Variants in OSBPL9 observed in about 807,000 individuals in gnomAD.
The protein encoded by OSBPL9 is oxysterol-binding protein-related protein 9.
A neutral mutation model predicts 106.6 loss-of-function variants in OSBPL9; 40 were observed. That is an observed-to-expected ratio of 0.38 (90% CI 0.29 to 0.49). OSBPL9 has a LOEUF of 0.49. Among genes scored for constraint, OSBPL9 ranks in the 20% least tolerant of loss-of-function variants. The pLI is 0.97. For missense variants in OSBPL9, 609 were observed against 887.2 expected, an observed-to-expected ratio of 0.69 and a Z score of 3.98; for synonymous variants, 269 against 295.4, an observed-to-expected ratio of 0.91 and a Z score of 0.92.
chr1:51,552,919 G>C, the OSBPL9 span, among the ~76,000 whole-genome samples: 1 of 151,540 alleles, frequency 6.6e-6, no homozygotes, highest in East Asian at 1.9e-4. Flanking sequence ...CACCATACCT[G>C]GTCTTTCCAT....
intron 1 of OSBPL9, among the ~76,000 whole-genome samples, chr1:51,586,209 T>A (rs1420182542): frequency 6.6e-6 from 1 of 151,864 alleles, no homozygotes; most frequent in Non-Finnish European, 1.5e-5. Flanking sequence ...AATAATAAAT[T>A]AAAAGGGTAA....
At chr1:51,713,407 C>T (rs913588145) in intron 3 of OSBPL9, among the ~76,000 whole-genome samples, 4 of 152,128 alleles carry the variant, frequency 2.6e-5, no homozygotes, top group Non-Finnish European at 4.4e-5. Context: ...GCCTCAGCCT[C>T]CCAAAATGCC....
chr1:51,740,084 G>A (rs1234695440), intron 4 of OSBPL9: 22 of 1,540,648 alleles, frequency 1.4e-5, no homozygotes, highest in Non-Finnish European at 1.9e-5. Flanking sequence ...CTTGATTATT[G>A]ATGTTAGACT....
upstream of OSBPL9, chr1:51,616,999 GC>G: frequency 6.6e-7 from 1 of 1,505,456 alleles, no homozygotes; most frequent in African/African-American, 1.4e-5. Flanking sequence ...TGCCGGCACC[GC>G]CCAGGACCCG....
In OSBPL9 at chr1:51,719,388, A is replaced by G. The variant is rs1354288831; in HGVS notation, c.318+5309A>G. Among the ~76,000 whole-genome samples, 6 of 152,034 alleles carry G rather than the reference A, an allele frequency of 3.9e-5. No homozygotes were observed. In the East Asian group the frequency reaches 1.2e-3, roughly 29 times the overall value. ...TTAATCCTCTCTTTCTTAACCAGTA[A>G]GAGGCATTCAGTAGATATCTGATGA... On this transcript the variant is annotated intron_variant, in intron 4 of 23. Transcript: ENST00000428468.
chr1:51,549,290 A>G, the OSBPL9 span, among the ~76,000 whole-genome samples: 21 of 152,212 alleles, frequency 1.4e-4, no homozygotes, highest in East Asian at 3.9e-3. Flanking sequence ...CCTTCCCCCA[A>G]AGATGCACAC....
chr1:51,529,780 C>T, the OSBPL9 span, among the ~76,000 whole-genome samples: 2 of 150,902 alleles, frequency 1.3e-5, no homozygotes, highest in East Asian at 1.9e-4. Context: ...TGAACCCCTA[C>T]GTCATACCAG....
chr1:51,612,930 C>A (rs930741899), upstream of OSBPL9, among the ~76,000 whole-genome samples: 2 of 152,288 alleles, frequency 1.3e-5, no homozygotes, highest in East Asian at 1.9e-4. Flanking sequence ...TGACTTTTGG[C>A]AAGCCACTAA....
the OSBPL9 span, among the ~76,000 whole-genome samples, chr1:51,521,707 A>T: frequency 6.6e-6 from 1 of 152,302 alleles, no homozygotes; most frequent in South Asian, 2.1e-4. Flanking sequence ...ATAAATAAAT[A>T]ACACCTTGTA....
chr1:51,723,986 G>T lies in OSBPL9; in HGVS notation c.318+9907G>T, dbSNP rs77599308. Among the ~76,000 whole-genome samples, 107 of 152,022 alleles carry T rather than the reference G, an allele frequency of 7.0e-4. 1 individual carries two copies. Among genetic ancestry groups the T allele is most frequent in the Middle Eastern group, 6.8e-3 (2 of 294 alleles). On this transcript the variant is annotated intron_variant, in intron 4 of 23. Transcript: ENST00000428468. Reference sequence around the variant, plus strand: ...TATTTGGAGACAGTCTCGCTATGTCGCCCAGGCTGCCATACAGTGGTGCCA... The same window carrying T: ...TATTTGGAGACAGTCTCGCTATGTCTCCCAGGCTGCCATACAGTGGTGCCA...
At chr1:51,688,771 T>C (rs1404991484) in intron 3 of OSBPL9, among the ~76,000 whole-genome samples, 5 of 152,180 alleles carry the variant, frequency 3.3e-5, no homozygotes, top group Non-Finnish European at 7.3e-5. Flanking sequence ...CATTTTACTA[T>C]ATATAGATTG....
At position 51,786,597 on chromosome 1, in the gene OSBPL9, G is replaced by A. The variant is rs1677692011; in HGVS notation, c.1980G>A (p.Gln660=). The change falls in exon 22 of 24, where the codon CAG becomes CAA. Residue 660 remains glutamine, a synonymous_variant. Coordinates refer to ENST00000428468, the MANE Select transcript of OSBPL9 (RefSeq NM_024586.6). ...IKKKVRKLED[Q]NEYESRSLWK... ...AGAAAGTGAGGAAGTTGGAAGATCA[G>A]AACGAGTATGAATCCCGCAGGTAAG... is the stretch of plus-strand genomic sequence containing the variant. 1.2e-6 allele frequency: 2 copies of A among 1,612,106 alleles called. No individual in the cohort carries two copies. The highest frequency in any genetic ancestry group is 2.2e-5 in the South Asian group (2 of 91,004).
chr1:51,575,280 A>T (rs1321187405), upstream of OSBPL9, among the ~76,000 whole-genome samples: 2 of 152,094 alleles, frequency 1.3e-5, no homozygotes, highest in Non-Finnish European at 2.9e-5. Flanking sequence ...GGCTCACTGC[A>T]ACCTCAGCCT....
At chr1:51,544,104 AC>A in the OSBPL9 span, among the ~76,000 whole-genome samples, 2 of 152,210 alleles carry the variant, frequency 1.3e-5, no homozygotes, top group Non-Finnish European at 2.9e-5. Context: ...CATATCTGTT[AC>A]CCAATTTGCT....
At chr1:51,616,845 CT>C, upstream of OSBPL9, 1 of 386,120 alleles carries the variant, frequency 2.6e-6, no homozygotes, top group South Asian at 4.2e-5. Context: ...TGTTCATAAT[CT>C]TTTTTCTTTA....
the OSBPL9 span, among the ~76,000 whole-genome samples, chr1:51,541,708 T>TA: frequency 3.3e-5 from 5 of 152,172 alleles, no homozygotes; most frequent in Non-Finnish European, 5.9e-5. Flanking sequence ...TGGTGACTGA[T>TA]ATTTGAGCAA....
chr1:51,576,554 G>T (rs1262364719), upstream of OSBPL9, among the ~76,000 whole-genome samples: 1 of 151,918 alleles, frequency 6.6e-6, no homozygotes, highest in African/African-American at 2.4e-5. Flanking sequence ...TTGGGACAGG[G>T]TCTTGCTCTG....
At chr1:51,780,661 G>A (rs1571756400) in intron 15 of OSBPL9, among the ~76,000 whole-genome samples, 1 of 152,296 alleles carries the variant, frequency 6.6e-6, no homozygotes, top group East Asian at 1.9e-4. Flanking sequence ...CAGCTACTCG[G>A]GAGGCTGAGG....
chr1:51,648,684 C>T (rs1353106239), intron 1 of OSBPL9, among the ~76,000 whole-genome samples: 3 of 152,176 alleles, frequency 2.0e-5, no homozygotes, highest in Non-Finnish European at 4.4e-5. Flanking sequence ...GAATGATTTG[C>T]CGGACAGGCA....
Sources: allele counts gnomAD v4.1 joint callset (sites outside exome capture counted in the v4.1 genomes callset), GRCh38; gene constraint gnomAD v4.1.1; transcripts MANE v1.5; gene names NCBI Gene and HGNC (gene_info 2026-07-23, HGNC 2026-07-21).